KIF2A: variants seen among roughly 807,000 people sequenced by gnomAD.
KIF2A encodes the protein kinesin family member 2A.
KIF2A carries 22 observed loss-of-function variants against 100.2 expected under a neutral mutation model. The observed-to-expected ratio is 0.22, with a 90% confidence interval of 0.16 to 0.31. The LOEUF (loss-of-function observed/expected upper bound fraction) is 0.31, where lower values mean the gene tolerates loss of function less well. Among genes scored for constraint, KIF2A ranks in the 10% least tolerant of loss-of-function variants. The pLI is 1.00. For synonymous variants in KIF2A, 268 were observed against 285.9 expected, an observed-to-expected ratio of 0.94 and a Z score of 0.63; for missense variants, 495 against 898.7, an observed-to-expected ratio of 0.55 and a Z score of 5.74.
intron 3 of KIF2A, 30 bp downstream of exon 3, chr5:62,348,197 A>G (rs750742767): frequency 6.2e-7 from 1 of 1,611,026 alleles, no homozygotes; most frequent in Non-Finnish European, 8.5e-7. Context: ...AGTGCAGGAC[A>G]CTGGGAGAGA....
chr5:62,373,709 C>A lies in KIF2A; in HGVS notation c.1783C>A (p.Pro595Thr), dbSNP rs1233263818. Reference protein sequence around the residue: ...VTRVKELTVDPTAAGDVRPIM... With the variant: ...VTRVKELTVDTTAAGDVRPIM... ...TAGGGTCAAAGAATTGACTGTAGAT[C>A]CAACTGCTGCTGGTGATGTTCGTCC... Residue 595 changes from proline to threonine, a missense_variant, in exon 18 of 21, where the codon CCA (proline) becomes ACA (threonine). Transcript: ENST00000407818. The A allele has an allele frequency of 2.5e-6, 4 of 1,613,494 alleles. No individual in the cohort carries two copies. In the South Asian group the frequency reaches 4.4e-5, roughly 18 times the overall value.
intron 5 of KIF2A, 150 bp from the exon 6 acceptor site, chr5:62,353,125 T>C (rs1196643624): frequency 2.0e-6 from 1 of 502,748 alleles, no homozygotes; most frequent in Non-Finnish European, 3.6e-6. Context: ...GTAAAGCAGC[T>C]CATTAAGTAA....
At chr5:62,361,674 TGAAAA>T (rs1748416369) in intron 11 of KIF2A, 145 bp downstream of exon 11, 1 of 526,802 alleles carries the variant, frequency 1.9e-6, no homozygotes, top group Non-Finnish European at 3.3e-6. Flanking sequence ...TTAGATTGCT[TGAAAA>T]GAACTATAAG....
chr5:62,374,284 T>A (rs962965439), intron 18 of KIF2A, among the ~76,000 whole-genome samples: 1 of 152,178 alleles, frequency 6.6e-6, no homozygotes, highest in Admixed American at 6.5e-5. Context: ...TTTTTACAAA[T>A]AAAGTTTTAT....
At chr5:62,321,159 T>C (rs1217093077) in intron 1 of KIF2A, among the ~76,000 whole-genome samples, 1 of 152,220 alleles carries the variant, frequency 6.6e-6, no homozygotes, top group Non-Finnish European at 1.5e-5. Flanking sequence ...CATTTATCCA[T>C]CCATTAATCG....
Position 62,390,108 on chromosome 5 carries a change from G to C in KIF2A, c.*4539G>C, listed in dbSNP as rs536357545. Among the ~76,000 whole-genome samples the C allele has an allele frequency of 6.6e-6, 1 of 152,138 alleles. No homozygotes were observed. Among genetic ancestry groups the C allele is most frequent in the South Asian group, 2.1e-4 (1 of 4,828 alleles). On this transcript the variant is annotated 3_prime_UTR_variant, in exon 21 of 21. Transcript: ENST00000407818. ...GAAAAAGTCAAACCAATGACTTTTA[G>C]AACAATCTACTCTCATTTTTTATTC...
chr5:62,331,545 C>T (rs1045609586), intron 1 of KIF2A, among the ~76,000 whole-genome samples: 1 of 151,972 alleles, frequency 6.6e-6, no homozygotes, highest in Non-Finnish European at 1.5e-5. Context: ...GAGTTGAGAT[C>T]GTCCACTGTA....
At chr5:62,353,896 G>T (rs895568207) in intron 6 of KIF2A, among the ~76,000 whole-genome samples, 6 of 151,882 alleles carry the variant, frequency 4.0e-5, no homozygotes, top group Non-Finnish European at 5.9e-5. Flanking sequence ...TTTAATAGCA[G>T]TGGGAAAATT....
intron 16 of KIF2A, among the ~76,000 whole-genome samples, chr5:62,371,915 A>G (rs375601707): frequency 6.6e-6 from 1 of 152,246 alleles, no homozygotes; most frequent in Non-Finnish European, 1.5e-5. Context: ...AATAGAGTGA[A>G]TATTTTCTCA....
intron 19 of KIF2A, among the ~76,000 whole-genome samples, 182 bp from the exon 20 acceptor site, chr5:62,380,936 C>T (rs1037433842): frequency 2.6e-5 from 4 of 152,104 alleles, no homozygotes; most frequent in Non-Finnish European, 5.9e-5. Flanking sequence ...CAGTTTAAAC[C>T]CATGTTGTTC....
chr5:62,357,383 C>T (rs1424931989), intron 7 of KIF2A, among the ~76,000 whole-genome samples: 2 of 152,172 alleles, frequency 1.3e-5, no homozygotes, highest in Middle Eastern at 3.2e-3. Flanking sequence ...CATGCCCGGC[C>T]TCCTCACAGC....
intron 1 of KIF2A, among the ~76,000 whole-genome samples, chr5:62,329,541 A>G (rs1746537006): frequency 6.6e-6 from 1 of 152,246 alleles, no homozygotes; most frequent in Non-Finnish European, 1.5e-5. Flanking sequence ...GCACCTAGGA[A>G]TAAATTGACA....
intron 20 of KIF2A, among the ~76,000 whole-genome samples, chr5:62,383,170 A>C (rs1281541790): frequency 7.2e-6 from 1 of 138,266 alleles, no homozygotes; most frequent in African/African-American, 2.7e-5. Flanking sequence ...CACGTGATGC[A>C]CCCACCTCAA....
At chr5:62,376,745 TGTTTTG>T (rs1741569820) in intron 18 of KIF2A, among the ~76,000 whole-genome samples, 1 of 151,970 alleles carries the variant, frequency 6.6e-6, no homozygotes, top group African/African-American at 2.4e-5. Context: ...TTTTTTGTTT[TGTTTTG>T]TTTTGTTTTT....
In KIF2A at chr5:62,366,452, T is replaced by C; in HGVS notation, c.1617T>C (p.Asn539=). 3 of 1,581,188 alleles carry C rather than the reference T, an allele frequency of 1.9e-6. No individual in the cohort carries two copies. The highest frequency in any genetic ancestry group is 1.7e-4 in the Middle Eastern group (1 of 5,960). ...CTCCAGGAATGGCATCCTGTGAAAATACTCTTAATACATTAAGATATGCAA... is the reference window on the plus strand; with the variant it reads ...CTCCAGGAATGGCATCCTGTGAAAACACTCTTAATACATTAAGATATGCAA... ...TISPGMASCE[N]TLNTLRYANR... is the part of the protein sequence containing the mutation. Residue 539 remains asparagine, a synonymous_variant, in exon 16 of 21, where the codon AAT becomes AAC. Transcript: ENST00000407818.
intron 1 of KIF2A, among the ~76,000 whole-genome samples, chr5:62,328,555 G>A (rs1293695607): frequency 1.3e-5 from 2 of 151,978 alleles, no homozygotes; most frequent in African/African-American, 2.4e-5. Flanking sequence ...GCAGTGGTGC[G>A]ATCTCGGCTC....
At chr5:62,329,115 T>C (rs1055255592) in intron 1 of KIF2A, among the ~76,000 whole-genome samples, 3 of 152,284 alleles carry the variant, frequency 2.0e-5, no homozygotes, top group African/African-American at 7.2e-5. Flanking sequence ...TATATCATTT[T>C]CTTTTTTCTC....
Position 62,350,059 on chromosome 5 carries a change from T to C in KIF2A, c.280-7T>C. Reference sequence around the variant, plus strand: ...GAAAACATAATGAACATTTTTTCCTTTCATAGAATCGACGGACTGTAGCTT... The same window carrying C: ...GAAAACATAATGAACATTTTTTCCTCTCATAGAATCGACGGACTGTAGCTT... On this transcript the variant is annotated splice_region_variant and splice_polypyrimidine_tract_variant and intron_variant, in intron 3 of 20. Transcript: ENST00000407818. 6.3e-7 allele frequency: 1 copy of C among 1,578,250 alleles called. No individual in the cohort carries two copies. The highest frequency in any genetic ancestry group is 8.6e-7 in the Non-Finnish European group (1 of 1,157,982).
intron 3 of KIF2A, 106 bp from the exon 4 acceptor site, chr5:62,349,960 A>G (rs1183324073): frequency 2.8e-5 from 19 of 670,430 alleles, no homozygotes; most frequent in Non-Finnish European, 4.6e-5. Flanking sequence ...TTTGTTTTAT[A>G]TTCTTACATG....
Sources: gnomAD v4.1 joint callset for allele counts (sites outside exome capture counted in the v4.1 genomes callset) on GRCh38, gnomAD v4.1.1 for gene constraint, MANE v1.5 for transcripts, NCBI Gene and HGNC (gene_info 2026-07-23, HGNC 2026-07-21) for gene names.